Variants in CCSER1 observed in about 807,000 individuals in gnomAD.
The protein encoded by CCSER1 is serine-rich coiled-coil domain-containing protein 1.
CCSER1 carries 41 observed loss-of-function variants against 82.0 expected under a neutral mutation model. That is an observed-to-expected ratio of 0.50 (90% CI 0.39 to 0.65). The LOEUF (loss-of-function observed/expected upper bound fraction) is 0.65. CCSER1 is among the 30% of genes least tolerant of loss of function. The probability of loss-of-function intolerance (pLI) is 0.00; values close to 1 mark genes in which losing one functional copy is unlikely to be tolerated. For missense variants in CCSER1, 1,119 were observed against 1,064.2 expected, an observed-to-expected ratio of 1.05 and a Z score of -0.72; for synonymous variants, 414 against 383.9, an observed-to-expected ratio of 1.08 and a Z score of -0.92.
At chr4:91,511,885 C>G (rs760363104) in intron 10 of CCSER1, among the ~76,000 whole-genome samples, 31 of 152,054 alleles carry the variant, frequency 2.0e-4, no homozygotes, top group African/African-American at 7.5e-4. Context: ...AAATGTAATG[C>G]GCTTGAATCA....
chr4:91,597,662 G>A (rs1764648108), intron 10 of CCSER1, among the ~76,000 whole-genome samples: 1 of 152,034 alleles, frequency 6.6e-6, no homozygotes, highest in Non-Finnish European at 1.5e-5. Flanking sequence ...GGCTAAATAA[G>A]CAAATGAGCC....
intron 3 of CCSER1, chr4:90,370,078 A>G (rs1247307073): frequency 1.2e-4 from 18 of 151,920 alleles, no homozygotes. Flanking sequence ...TTACTTTTCC[A>G]AAAAAGCCAA....
At chr4:91,402,696 G>T (rs559807093) in intron 10 of CCSER1, among the ~76,000 whole-genome samples, 2 of 152,274 alleles carry the variant, frequency 1.3e-5, no homozygotes, top group African/African-American at 4.8e-5. Context: ...TCAAAGATCA[G>T]ATGTTTGTAG....
chr4:90,356,358 A>G (rs929797962), intron 3 of CCSER1, among the ~76,000 whole-genome samples: 6 of 151,800 alleles, frequency 4.0e-5, no homozygotes, highest in African/African-American at 1.2e-4. Flanking sequence ...ATATGTAGTT[A>G]TTTTAAATCA....
intron 3 of CCSER1, among the ~76,000 whole-genome samples, chr4:90,358,013 T>C (rs181048741): frequency 3.3e-5 from 5 of 152,108 alleles, no homozygotes; most frequent in Admixed American, 2.6e-4. Context: ...AAAAAAAATA[T>C]GAAGTCCTTG....
chr4:91,398,183 A>G (rs1344363546), intron 10 of CCSER1, among the ~76,000 whole-genome samples: 8 of 151,958 alleles, frequency 5.3e-5, no homozygotes. Context: ...CATGGTAAAC[A>G]TTCAATATAA....
chr4:91,595,517 C>T (rs1478135976), intron 10 of CCSER1, among the ~76,000 whole-genome samples: 1 of 152,034 alleles, frequency 6.6e-6, no homozygotes, highest in African/African-American at 2.4e-5. Context: ...TATATTGTTA[C>T]TGTGATGATG....
intron 10 of CCSER1, among the ~76,000 whole-genome samples, chr4:91,261,745 C>G (rs758335265): frequency 1.4e-4 from 21 of 152,146 alleles, no homozygotes; most frequent in South Asian, 1.2e-3. Flanking sequence ...CAACAGTGAA[C>G]CAGATAAAAG....
At chr4:90,150,852 T>A (rs1223787113) in intron 1 of CCSER1, among the ~76,000 whole-genome samples, 1 of 152,198 alleles carries the variant, frequency 6.6e-6, no homozygotes, top group Non-Finnish European at 1.5e-5. Context: ...AAGTAGTTAT[T>A]ATTAGGTCAG....
intron 10 of CCSER1, among the ~76,000 whole-genome samples, chr4:91,241,570 C>T (rs1037821137): frequency 1.3e-5 from 2 of 151,752 alleles, no homozygotes; most frequent in Non-Finnish European, 2.9e-5. Context: ...TCTTGATCCA[C>T]CCGCCTCAGC....
chr4:90,918,654 TTAGTA>T (rs1727897738), intron 8 of CCSER1, among the ~76,000 whole-genome samples: 2 of 151,328 alleles, frequency 1.3e-5, no homozygotes, highest in Non-Finnish European at 2.9e-5. Flanking sequence ...TATATATATA[TTAGTA>T]ATAAAACTAA....
Position 91,593,911 on chromosome 4 carries a change from T to G in CCSER1, c.2218-4661T>G, listed in dbSNP as rs960169525. The stretch of plus-strand genomic sequence containing the variant: ...ATATGTTTTAAAATTAGTATTTTCT[T>G]GCATTTGATGAAATACAGGCTATAT... On this transcript the variant is annotated intron_variant, in intron 10 of 10. Coordinates refer to ENST00000509176, the MANE Select transcript of CCSER1 (RefSeq NM_001145065.2). Among the ~76,000 whole-genome samples, 8 of 152,198 alleles carry G rather than the reference T, an allele frequency of 5.3e-5. No individual in the cohort carries two copies. The East Asian group carries it at 1.5e-3, about 29-fold the overall frequency.
intron 6 of CCSER1, chr4:90,663,774 C>G (rs902026829): frequency 1.6e-5 from 3 of 189,670 alleles, no homozygotes; most frequent in African/African-American, 7.1e-5. Context: ...TGTAGATGAA[C>G]AGATGGTTAG....
At chr4:90,588,540 G>T (rs1247910885) in intron 5 of CCSER1, among the ~76,000 whole-genome samples, 1 of 152,126 alleles carries the variant, frequency 6.6e-6, no homozygotes, top group Non-Finnish European at 1.5e-5. Flanking sequence ...AACACCTGCA[G>T]TTATTTGCTT....
rs572009062 is a variant in CCSER1 at position 91,181,320 on chromosome 4, A to G, written c.2217+95326A>G. Among the ~76,000 whole-genome samples the G allele has an allele frequency of 4.6e-5, 7 of 152,328 alleles. No homozygotes were observed. The East Asian group carries it at 1.2e-3, about 25-fold the overall frequency. On this transcript the variant is annotated intron_variant, in intron 10 of 10. Coordinates refer to ENST00000509176, the MANE Select transcript of CCSER1 (RefSeq NM_001145065.2). Reference sequence around the variant, plus strand: ...AAAGACAATACAGATTAAAAGCACAATCATCATTGAAATCACAGAACTTCC... The same window carrying G: ...AAAGACAATACAGATTAAAAGCACAGTCATCATTGAAATCACAGAACTTCC...
chr4:90,520,826 A>C (rs1773013220), intron 5 of CCSER1, among the ~76,000 whole-genome samples: 1 of 152,202 alleles, frequency 6.6e-6, no homozygotes, highest in Non-Finnish European at 1.5e-5. Context: ...GGGACTCAGG[A>C]GGCTGGGGCA....
At chr4:90,409,680 T>C (rs1453804194) in intron 4 of CCSER1, among the ~76,000 whole-genome samples, 1 of 152,062 alleles carries the variant, frequency 6.6e-6, no homozygotes, top group Non-Finnish European at 1.5e-5. Flanking sequence ...AAAAACATGC[T>C]AAATTTTAAA....
At chr4:91,078,705 A>G (rs1287133403) in intron 9 of CCSER1, among the ~76,000 whole-genome samples, 2 of 152,210 alleles carry the variant, frequency 1.3e-5, no homozygotes, top group African/African-American at 4.8e-5. Context: ...CAAATGGCAA[A>G]CTAGAAAAAA....
At chr4:91,035,623 C>G (rs1474327818) in intron 9 of CCSER1, among the ~76,000 whole-genome samples, 1 of 152,028 alleles carries the variant, frequency 6.6e-6, no homozygotes, top group Non-Finnish European at 1.5e-5. Context: ...CAATATAAAA[C>G]ATGGCTTCTA....
Sources: gnomAD v4.1 joint callset for allele counts (sites outside exome capture counted in the v4.1 genomes callset) on GRCh38, gnomAD v4.1.1 for gene constraint, MANE v1.5 for transcripts, NCBI Gene and HGNC (gene_info 2026-07-23, HGNC 2026-07-21) for gene names.